ERGIC1: variants seen among roughly 807,000 people sequenced by gnomAD.
ERGIC1 encodes endoplasmic reticulum-Golgi intermediate compartment protein 1.
Under a neutral mutation model 38.3 loss-of-function variants are expected in ERGIC1, and 19 were observed. That is an observed-to-expected ratio of 0.50 (90% CI 0.35 to 0.73). The LOEUF is 0.73. ERGIC1 is among the 30% of genes least tolerant of loss of function. ERGIC1 has a pLI of 0.01. For synonymous variants in ERGIC1, 124 were observed against 157.6 expected (o/e 0.79, Z 1.60); for missense variants, 294 against 389.2 (o/e 0.76, Z 2.06).
In ERGIC1 at chr5:172,898,972, G is replaced by T. The variant is rs13436609; in HGVS notation, c.155+1898G>T. ...GACTTGCTAATGTTATGAGGTACCT[G>T]TTGTATGCCAGGCACCCACTGGCCT... On this transcript the variant is annotated intron_variant, in intron 3 of 9. Transcript: ENST00000393784. Among the ~76,000 whole-genome samples the T allele has an allele frequency of 3.2e-3, 484 of 152,272 alleles. 3 individuals are homozygous for T. The highest frequency in any genetic ancestry group is 0.011 in the African/African-American group (450 of 41,546).
At chr5:172,908,645 G>A (rs2113374760) in intron 3 of ERGIC1, among the ~76,000 whole-genome samples, 1 of 152,226 alleles carries the variant, frequency 6.6e-6, no homozygotes, top group African/African-American at 2.4e-5. Context: ...CTGGGAGAAG[G>A]GGCCACAAGC....
intron 1 of ERGIC1, among the ~76,000 whole-genome samples, chr5:172,862,506 G>C (rs1301568852): frequency 7.9e-5 from 12 of 152,102 alleles, no homozygotes; most frequent in Non-Finnish European, 1.5e-4. Context: ...CCCTTCAGCT[G>C]TAAGATCCCT....
Position 172,834,587 on chromosome 5 carries a change from C to A in ERGIC1, c.20+154C>A, listed in dbSNP as rs556360557. On this transcript the variant is annotated intron_variant, in intron 1 of 9. Transcript: ENST00000393784. The surrounding 1 kb of genome is among the most constrained non-coding windows in gnomAD (Gnocchi z 4.1). ...CCTAGGGACCCCAGGCGAGCCCCCC[C>A]CCTGCCGCACACGAAGCCAGCCAGA... Among the ~76,000 whole-genome samples, 3 of 132,944 alleles carry A rather than the reference C, an allele frequency of 2.3e-5. No homozygotes were observed. The highest frequency in any genetic ancestry group is 5.5e-5 in the African/African-American group (2 of 36,122). 87.2% of individuals were successfully genotyped at this position (132,944 alleles called of 152,430 possible).
intron 2 of ERGIC1, among the ~76,000 whole-genome samples, chr5:172,893,933 G>GA: frequency 2.0e-5 from 1 of 51,000 alleles, no homozygotes; most frequent in African/African-American, 9.7e-5. Flanking sequence ...GTGTGTGTGT[G>GA]TGTATATATA....
intron 9 of ERGIC1, among the ~76,000 whole-genome samples, chr5:172,945,868 A>G (rs899739129): frequency 1.3e-4 from 20 of 152,214 alleles, no homozygotes; most frequent in Admixed American, 1.3e-3. Flanking sequence ...TATTTTCAGT[A>G]AAAACAGGGT....
chr5:172,941,744 A>G (rs1368077809), intron 9 of ERGIC1, among the ~76,000 whole-genome samples: 1 of 152,258 alleles, frequency 6.6e-6, no homozygotes, highest in Non-Finnish European at 1.5e-5. Context: ...ACAGCTTCAC[A>G]CAAACCATTA....
chr5:172,919,264 G>A (rs1561736117), intron 5 of ERGIC1, among the ~76,000 whole-genome samples: 1 of 152,216 alleles, frequency 6.6e-6, no homozygotes, highest in Non-Finnish European at 1.5e-5. Flanking sequence ...TCTGAAGACT[G>A]AAGATGAAGA....
chr5:172,930,015 C>A (rs560515088), intron 7 of ERGIC1, among the ~76,000 whole-genome samples: 1 of 152,084 alleles, frequency 6.6e-6, no homozygotes, highest in East Asian at 1.9e-4. Context: ...GTGAAACCCC[C>A]ATCTCTACTA....
intron 2 of ERGIC1, among the ~76,000 whole-genome samples, chr5:172,891,954 C>G (rs1272953466): frequency 3.3e-5 from 5 of 152,154 alleles, no homozygotes; most frequent in Non-Finnish European, 4.4e-5. Flanking sequence ...GGTAGACATT[C>G]CCCATTCTGG....
At chr5:172,863,836 T>C (rs924766195) in intron 1 of ERGIC1, among the ~76,000 whole-genome samples, 1 of 152,222 alleles carries the variant, frequency 6.6e-6, no homozygotes, top group African/African-American at 2.4e-5. Context: ...CCAGGGCTTT[T>C]AATCGCTTTT....
chr5:172,898,495 G>C (rs750298150), intron 3 of ERGIC1: 3 of 152,232 alleles, frequency 2.0e-5, no homozygotes, highest in Non-Finnish European at 4.4e-5. Context: ...GCCCTCCCCT[G>C]GCATGGGAGA....
At chr5:172,876,472 A>G (rs565600518) in intron 1 of ERGIC1, among the ~76,000 whole-genome samples, 30 of 152,326 alleles carry the variant, frequency 2.0e-4, no homozygotes, top group African/African-American at 7.2e-4. Flanking sequence ...AAAGGTGTCC[A>G]ACAAGGCTTG....
chr5:172,914,690 G>C, intron 4 of ERGIC1, 24 bp from the exon 5 acceptor site: 1 of 1,613,930 alleles, frequency 6.2e-7, no homozygotes, highest in Non-Finnish European at 8.5e-7. Flanking sequence ...GTTTGTGACT[G>C]TTGTCTCCCT....
intron 3 of ERGIC1, among the ~76,000 whole-genome samples, chr5:172,900,672 G>A (rs901335724): frequency 1.3e-5 from 2 of 151,448 alleles, no homozygotes; most frequent in African/African-American, 4.9e-5. Context: ...ATTGCACCAC[G>A]GCACTCCAGC....
chr5:172,927,897 G>C (rs1296183313), intron 7 of ERGIC1, among the ~76,000 whole-genome samples: 1 of 152,108 alleles, frequency 6.6e-6, no homozygotes, highest in Non-Finnish European at 1.5e-5. Flanking sequence ...GTGTTTCACT[G>C]TGGCAATAAT....
At chr5:172,915,396 G>C (rs1470795465) in intron 5 of ERGIC1, 1 of 416,196 alleles carries the variant, frequency 2.4e-6, no homozygotes, top group African/African-American at 2.0e-5. Flanking sequence ...AAACCAGAAA[G>C]CATCAGGGAT....
chr5:172,945,158 C>G (rs1764094319), intron 9 of ERGIC1, among the ~76,000 whole-genome samples: 1 of 152,202 alleles, frequency 6.6e-6, no homozygotes, highest in Admixed American at 6.5e-5. Flanking sequence ...TGGTGAGATT[C>G]AGGGAGCTCC....
At chr5:172,927,418 G>T (rs1300256834) in intron 7 of ERGIC1, among the ~76,000 whole-genome samples, 2 of 152,096 alleles carry the variant, frequency 1.3e-5, no homozygotes, top group Non-Finnish European at 2.9e-5. Flanking sequence ...CTGTGTCCCT[G>T]TGAGTCCTTG....
intron 3 of ERGIC1, among the ~76,000 whole-genome samples, chr5:172,907,816 G>A (rs910606908): frequency 2.0e-5 from 3 of 152,158 alleles, no homozygotes; most frequent in African/African-American, 7.2e-5. Flanking sequence ...TCAGCGTTGG[G>A]GGTGGCAGCA....
Sources: allele counts gnomAD v4.1 joint callset (sites outside exome capture counted in the v4.1 genomes callset), GRCh38; gene constraint gnomAD v4.1.1; non-coding constraint Gnocchi (gnomAD v3.1); transcripts MANE v1.5; gene names NCBI Gene and HGNC (gene_info 2026-07-23, HGNC 2026-07-21).